Variants in TOX observed in about 807,000 individuals in gnomAD.
TOX encodes thymocyte selection associated high mobility group box.
Under a neutral mutation model 53.7 loss-of-function variants are expected in TOX, and 11 were observed. The ratio of observed to expected loss-of-function variants is 0.20; its 90% CI spans 0.13 to 0.34. TOX has a LOEUF of 0.34. TOX is among the 10% of genes least tolerant of loss of function. The probability of loss-of-function intolerance (pLI) is 1.00; values close to 1 mark genes in which losing one functional copy is unlikely to be tolerated. For missense variants in TOX, 570 were observed against 664.6 expected, an observed-to-expected ratio of 0.86 and a Z score of 1.56; for synonymous variants, 225 against 245.3, an observed-to-expected ratio of 0.92 and a Z score of 0.77.
intron 1 of TOX, among the ~76,000 whole-genome samples, chr8:59,064,790 A>G (rs1472228890): frequency 6.6e-6 from 1 of 152,198 alleles, no homozygotes; most frequent in Admixed American, 6.5e-5. Flanking sequence ...GAATAAAACA[A>G]GAAATTTTAC....
In TOX at chr8:58,929,405, T is replaced by A. The variant is rs547133657; in HGVS notation, c.411+9897A>T. The stretch of plus-strand genomic sequence containing the variant: ...TGGCACAAAGAAGTATATAAATGGC[T>A]AATATAAAAAGACAAATAATATTAT... On this transcript the variant is annotated intron_variant, in intron 3 of 8. Transcript: ENST00000361421. Among the ~76,000 whole-genome samples, 4 of 152,114 alleles carry A rather than the reference T, an allele frequency of 2.6e-5. No individual in the cohort carries two copies. In the East Asian group the frequency reaches 7.7e-4, roughly 29 times the overall value.
chr8:58,845,439 A>G (rs1810705798), intron 4 of TOX, among the ~76,000 whole-genome samples: 1 of 152,182 alleles, frequency 6.6e-6, no homozygotes, highest in Admixed American at 6.5e-5. Context: ...AAACTATGCC[A>G]TCTAAAATCC....
chr8:59,012,133 A>T (rs980058479), intron 1 of TOX, among the ~76,000 whole-genome samples: 1 of 152,096 alleles, frequency 6.6e-6, no homozygotes, highest in African/African-American at 2.4e-5. Flanking sequence ...ATGTGGCTAT[A>T]AGTAAAAATG....
chr8:59,012,375 A>G (rs1409784001), intron 1 of TOX, among the ~76,000 whole-genome samples: 1 of 151,956 alleles, frequency 6.6e-6, no homozygotes, highest in African/African-American at 2.4e-5. Flanking sequence ...GAGCAACTCA[A>G]CCAGAGAGGC....
chr8:58,862,957 T>C (rs1368138538), intron 3 of TOX, among the ~76,000 whole-genome samples: 1 of 152,162 alleles, frequency 6.6e-6, no homozygotes, highest in Non-Finnish European at 1.5e-5. Context: ...TCCACTAACA[T>C]AGACCCTCTC....
Position 59,092,742 on chromosome 8 carries a change from A to T in TOX, c.102+26144T>A, listed in dbSNP as rs1804646834. Reference sequence around the variant, plus strand: ...TCTCTTCCAGGAAGTTTTCTTTGAGATCCAGGCCAGGTTACAGCCTCTTTT... The same window carrying T: ...TCTCTTCCAGGAAGTTTTCTTTGAGTTCCAGGCCAGGTTACAGCCTCTTTT... On this transcript the variant is annotated intron_variant, in intron 1 of 8. Coordinates refer to ENST00000361421, the MANE Select transcript of TOX (RefSeq NM_014729.3). 2.0e-5 allele frequency among the ~76,000 whole-genome samples: 3 copies of T among 151,880 alleles called. No homozygotes were observed. The South Asian group carries it at 6.2e-4, about 32-fold the overall frequency.
chr8:59,021,841 A>G (rs1814142814), intron 1 of TOX, among the ~76,000 whole-genome samples: 1 of 152,080 alleles, frequency 6.6e-6, no homozygotes, highest in Admixed American at 6.6e-5. Flanking sequence ...TTTTCCTGAA[A>G]CTTTCTATTA....
rs148061837 is a variant in TOX, at chr8:58,900,680, G to A, written c.411+38622C>T. ...TGTGAGTGTATTTCTTAGGGCAAGG[G>A]ACCTGCAAGGCAAGACTATATAGGC... On this transcript the variant is annotated intron_variant, in intron 3 of 8. Coordinates refer to ENST00000361421, the MANE Select transcript of TOX (RefSeq NM_014729.3). 2.2e-3 allele frequency among the ~76,000 whole-genome samples: 334 copies of A among 152,094 alleles called. 4 individuals carry two copies. Among genetic ancestry groups the A allele is most frequent in the Non-Finnish European group, 2.0e-3 (138 of 67,954 alleles).
At position 58,939,228 on chromosome 8, in the gene TOX, C is replaced by T. The variant is rs1812393614; in HGVS notation, c.411+74G>A. The T allele has an allele frequency of 2.3e-5, 36 of 1,553,292 alleles. No homozygotes were observed. In the South Asian group the frequency reaches 4.1e-4, roughly 18 times the overall value. ...AGAATGCTATTATCACAATGCCAGG[C>T]CCTCGCATGAACTTGGTCCTTGTCC... On this transcript the variant is annotated intron_variant, in intron 3 of 8. Transcript: ENST00000361421.
Position 58,960,124 on chromosome 8 carries a change from ACTGCGG to A in TOX, c.103-122_103-117del, listed in dbSNP as rs1433359232. 3.6e-5 allele frequency: 40 copies of A among 1,112,940 alleles called. No homozygotes were observed. In the Admixed American group the frequency reaches 5.4e-4, roughly 15 times the overall value. The allele number at this position is 1,112,940 out of a possible 1,614,324, so 68.9% of individuals were successfully genotyped here. A position where few individuals can be genotyped will look rare whatever the true frequency, so the allele number is the denominator to read the frequency against. ...CTGGAAAACAGTAGCCATAAAAAAT[ACTGCGG>A]CTGGGACTATGGAAAATCTGTCACA... is the stretch of plus-strand genomic sequence containing the variant. On this transcript the variant is annotated intron_variant, in intron 1 of 8. Coordinates refer to ENST00000361421, the MANE Select transcript of TOX (RefSeq NM_014729.3).
chr8:58,836,613 A>G (rs377613680), intron 5 of TOX, among the ~76,000 whole-genome samples: 2 of 152,120 alleles, frequency 1.3e-5, no homozygotes, highest in South Asian at 2.1e-4. Flanking sequence ...ATACGTAGAG[A>G]TTTCAGATTC....
In TOX at chr8:59,028,030, A is replaced by G. The variant is rs1039256512; in HGVS notation, c.103-68022T>C. ...CATCTTTGAAATCTTTCGAAGCATGAATTCATTAATAGATGATATACTAAG... is the reference window on the plus strand; with the variant it reads ...CATCTTTGAAATCTTTCGAAGCATGGATTCATTAATAGATGATATACTAAG... On this transcript the variant is annotated intron_variant, in intron 1 of 8. Coordinates refer to ENST00000361421, the MANE Select transcript of TOX (RefSeq NM_014729.3). 4.6e-5 allele frequency among the ~76,000 whole-genome samples: 7 copies of G among 152,300 alleles called. No homozygotes were observed. The East Asian group carries it at 1.4e-3, about 29-fold the overall frequency.
At chr8:58,850,627 G>A (rs1159992353) in intron 4 of TOX, among the ~76,000 whole-genome samples, 5 of 152,134 alleles carry the variant, frequency 3.3e-5, no homozygotes, top group East Asian at 1.9e-4. Context: ...GCAGAGTGTC[G>A]TCTGCAATCT....
chr8:58,839,805 G>C (rs1407839982), intron 4 of TOX, among the ~76,000 whole-genome samples: 3 of 152,192 alleles, frequency 2.0e-5, no homozygotes, highest in African/African-American at 7.2e-5. Flanking sequence ...TGGGATATTT[G>C]TGTAAAATAA....
intron 1 of TOX, among the ~76,000 whole-genome samples, chr8:59,019,427 C>T (rs1049945251): frequency 6.6e-6 from 1 of 152,104 alleles, no homozygotes; most frequent in Non-Finnish European, 1.5e-5. Context: ...CCACTAGGCA[C>T]AGAGAGAAAG....
At chr8:58,871,438 A>G (rs1057511256) in intron 3 of TOX, among the ~76,000 whole-genome samples, 1 of 152,180 alleles carries the variant, frequency 6.6e-6, no homozygotes, top group Non-Finnish European at 1.5e-5. Flanking sequence ...GGGGAATCTC[A>G]GGATGAAAAG....
chr8:58,869,360 C>T (rs1811159976), intron 3 of TOX, among the ~76,000 whole-genome samples: 1 of 151,848 alleles, frequency 6.6e-6, no homozygotes, highest in South Asian at 2.1e-4. Context: ...GAGAAACTGA[C>T]ATCCCAAATA....
At chr8:58,952,648 T>C (rs572342880) in intron 2 of TOX, among the ~76,000 whole-genome samples, 1 of 152,296 alleles carries the variant, frequency 6.6e-6, no homozygotes, top group East Asian at 1.9e-4. Flanking sequence ...TAAACCATGC[T>C]CCATATGGAG....
At chr8:58,887,408 G>A (rs1473625617) in intron 3 of TOX, among the ~76,000 whole-genome samples, 1 of 151,846 alleles carries the variant, frequency 6.6e-6, no homozygotes, top group Non-Finnish European at 1.5e-5. Context: ...CTCCTCTAAA[G>A]CCATTTATAC....
Sources: gnomAD v4.1 joint callset for allele counts (sites outside exome capture counted in the v4.1 genomes callset) on GRCh38, gnomAD v4.1.1 for gene constraint, MANE v1.5 for transcripts, NCBI Gene and HGNC (gene_info 2026-07-23, HGNC 2026-07-21) for gene names.